CLTB: variants seen among roughly 807,000 people sequenced by gnomAD.
CLTB encodes clathrin, light chain (Lcb).
Under a neutral mutation model 30.5 loss-of-function variants are expected in CLTB, and 10 were observed. The ratio of observed to expected loss-of-function variants is 0.33; its 90% confidence interval spans 0.20 to 0.56. CLTB has a LOEUF of 0.56. CLTB is among the 20% of genes least tolerant of loss of function. The pLI, the probability that CLTB is intolerant of heterozygous loss-of-function variation, is 0.91. For synonymous variants in CLTB, 102 were observed against 120.3 expected (o/e 0.85, Z 1.00); for missense variants, 261 against 308.3 (o/e 0.85, Z 1.15).
intron 5 of CLTB, 60 bp downstream of exon 5, chr5:176,396,419 A>AT (rs1756521311): frequency 2.1e-6 from 3 of 1,414,086 alleles, no homozygotes; most frequent in Middle Eastern, 1.8e-4. Context: ...GAAACTCAAG[A>AT]AACTGTGGTG....
intron 1 of CLTB, among the ~76,000 whole-genome samples, chr5:176,414,618 T>A (rs911913376): frequency 6.6e-6 from 1 of 152,046 alleles, no homozygotes; most frequent in African/African-American, 2.4e-5. Context: ...AATTTTTGTA[T>A]GTTTTGTAGA....
intron 4 of CLTB, 146 bp from the exon 5 acceptor site, chr5:176,396,678 C>T: frequency 1.4e-6 from 1 of 708,750 alleles, no homozygotes; most frequent in Non-Finnish European, 2.5e-6. Flanking sequence ...CTGGAAGGCT[C>T]AGCAACGACC....
At chr5:176,414,883 C>A (rs983929807) in intron 1 of CLTB, among the ~76,000 whole-genome samples, 2 of 152,192 alleles carry the variant, frequency 1.3e-5, no homozygotes, top group Non-Finnish European at 2.9e-5. Context: ...GTATCCCCAG[C>A]GTCCTGACAC....
At chr5:176,398,343 ACTTT>A (rs1170705743) in intron 2 of CLTB, among the ~76,000 whole-genome samples, 6 of 152,180 alleles carry the variant, frequency 3.9e-5, no homozygotes. Flanking sequence ...TGTGCCAGCC[ACTTT>A]CTTTGTCATA....
At position 176,402,984 on chromosome 5, in the gene CLTB, C is replaced by G. The variant is rs549905663; in HGVS notation, c.235-4937G>C. Among the ~76,000 whole-genome samples, 3 of 151,994 alleles carry G rather than the reference C, an allele frequency of 2.0e-5. No homozygotes were observed. In the South Asian group the frequency reaches 6.2e-4, roughly 32 times the overall value. ...TGGGAGGAGAGGAGTGGTGAGGGGC[C>G]CTGAACAGGAGTCTCTTTTCATCTG... On this transcript the variant is annotated intron_variant, in intron 2 of 5. Transcript: ENST00000310418.
chr5:176,409,848 T>C lies in CLTB; in HGVS notation c.234+409A>G, dbSNP rs546185781. Among the ~76,000 whole-genome samples, 17 of 152,374 alleles carry C rather than the reference T, an allele frequency of 1.1e-4. No individual in the cohort carries two copies. In the South Asian group the frequency reaches 2.7e-3, roughly 24 times the overall value. On this transcript the variant is annotated intron_variant, in intron 2 of 5. Coordinates refer to ENST00000310418, the MANE Select transcript of CLTB (RefSeq NM_007097.5). ...AAAGAATCTGGGTGGCCTTGTCCAA[T>C]TATTTCCTTTGGGAAAATTCTGGAA...
At chr5:176,396,641 G>A in intron 4 of CLTB, 109 bp from the exon 5 acceptor site, 2 of 796,386 alleles carry the variant, frequency 2.5e-6, no homozygotes, top group East Asian at 2.7e-5. Flanking sequence ...AGTACCTCCA[G>A]TGGGAGAAAT....
chr5:176,416,315 C>T lies in CLTB; in HGVS notation c.49G>A (p.Glu17Lys), dbSNP rs1250404075. 1.2e-6 allele frequency: 2 copies of T among 1,603,764 alleles called. No individual in the cohort carries two copies. Among genetic ancestry groups the T allele is most frequent in the Non-Finnish European group, 1.7e-6 (2 of 1,176,726 alleles). The change falls in exon 1 of 6, where the codon GAG (glutamate) becomes AAG (lysine). Residue 17 changes from glutamate to lysine, a missense_variant. Glu to Lys is a moderately conservative substitution (Grantham distance 56). Transcript: ENST00000310418. ...FFSSSESGAP[E>K]AAEEDPAAAF... The stretch of plus-strand genomic sequence containing the variant: ...GCCGCCGGGTCCTCCTCCGCCGCCT[C>T]CGGGGCACCGCTCTCCGACGACGAG...
chr5:176,413,126 C>T (rs1220101841), intron 1 of CLTB, among the ~76,000 whole-genome samples: 1 of 152,188 alleles, frequency 6.6e-6, no homozygotes, highest in Non-Finnish European at 1.5e-5. Flanking sequence ...ATTCCAAGTA[C>T]CTGTTCCCAC....
At chr5:176,399,990 G>A (rs1020186191) in intron 2 of CLTB, among the ~76,000 whole-genome samples, 17 of 152,086 alleles carry the variant, frequency 1.1e-4, no homozygotes, top group African/African-American at 3.9e-4. Context: ...TCAGGAGTTC[G>A]AGACCAGCCT....
chr5:176,416,410 G>C lies in CLTB; in HGVS notation c.-47C>G. ...GCCTCCGCTGCGCTCGGCTCTGCCC[G>C]CGCCTGCCCCGCGCTGCGTCCGGCG... is the stretch of plus-strand genomic sequence containing the variant. On this transcript the variant is annotated 5_prime_UTR_variant, in exon 1 of 6. Coordinates refer to ENST00000310418, the MANE Select transcript of CLTB (RefSeq NM_007097.5). 6.8e-7 allele frequency: 1 copy of C among 1,473,068 alleles called. No homozygotes were observed. The highest frequency in any genetic ancestry group is 1.5e-5 in the African/African-American group (1 of 67,454). The allele number at this position is 1,473,068 out of a possible 1,614,324, so 91.2% of individuals were successfully genotyped here.
Position 176,392,915 on chromosome 5 carries a change from G to A in CLTB, c.549C>T (p.Ser183=), listed in dbSNP as rs146144599. 2.2e-3 allele frequency: 3,479 copies of A among 1,614,166 alleles called. 4 individuals are homozygous for A. Among genetic ancestry groups the A allele is most frequent in the Middle Eastern group, 6.1e-3 (37 of 6,060 alleles). The change falls in exon 6 of 6, where the codon TCC becomes TCT. Residue 183 remains serine, a synonymous_variant. Coordinates refer to ENST00000310418, the MANE Select transcript of CLTB (RefSeq NM_007097.5). This position sits in a 1 kb window ranked among gnomAD's most constrained non-coding sequence, Gnocchi z 5.2. ...VASEEAFVKE[S]KEETPGTEWE... Reference sequence around the variant, plus strand: ...ACTCTGTGCCTGGGGTCTCCTCCTTGGATTCCTTCACGAAAGCCTCCTCGG... The same window carrying A: ...ACTCTGTGCCTGGGGTCTCCTCCTTAGATTCCTTCACGAAAGCCTCCTCGG...
Position 176,416,177 on chromosome 5 carries a change from C to T in CLTB, c.187G>A (p.Ala63Thr), listed in dbSNP as rs754757468. The T allele has an allele frequency of 5.1e-6, 8 of 1,577,382 alleles. No homozygotes were observed. The East Asian group carries it at 1.2e-4, about 24-fold the overall frequency. Residue 63 changes from alanine to threonine, a missense_variant and splice_region_variant, in exon 1 of 6, where the codon GCT becomes ACT. Physicochemically the swap from Ala to Thr is moderately conservative, Grantham distance 58. Coordinates refer to ENST00000310418, the MANE Select transcript of CLTB (RefSeq NM_007097.5). Reference protein sequence around the residue: ...APAQPGPTSGAGSEDMGTTVN... With the variant: ...APAQPGPTSGTGSEDMGTTVN... ...CTCTCCAGGCCCCGCGCTGACTCACCCCCACTCGTGGGGCCCGGCTGCGCG... is the reference window on the plus strand; with the variant it reads ...CTCTCCAGGCCCCGCGCTGACTCACTCCCACTCGTGGGGCCCGGCTGCGCG...
intron 5 of CLTB, 50 bp downstream of exon 5, chr5:176,396,428 TG>T: frequency 6.8e-7 from 1 of 1,463,454 alleles, no homozygotes; most frequent in Non-Finnish European, 9.6e-7. Context: ...GAAACTGTGG[TG>T]GCCATTCCCT....
At chr5:176,400,475 G>A (rs62402498) in intron 2 of CLTB, among the ~76,000 whole-genome samples, 40,629 of 151,990 alleles carry the variant, frequency 0.27, 6,017 homozygotes, top group African/African-American at 0.41. Context: ...CTCTGCTCAC[G>A]TCTCCCCACC....
In CLTB at chr5:176,393,231, C is replaced by G. The variant is rs1038940309; in HGVS notation, c.519-286G>C. Among the ~76,000 whole-genome samples, 1 of 152,180 alleles carries G rather than the reference C, an allele frequency of 6.6e-6. No homozygotes were observed. The highest frequency in any genetic ancestry group is 1.9e-4 in the East Asian group (1 of 5,192). On this transcript the variant is annotated intron_variant, in intron 5 of 5. Transcript: ENST00000310418. This position sits in a 1 kb window ranked among gnomAD's most constrained non-coding sequence, Gnocchi z 4.4. ...GGTCTCAGTGCGGGCCTCACCTCCT[C>G]AGAAAGTCTTCCCAGCCTAGGCACC...
intron 2 of CLTB, among the ~76,000 whole-genome samples, chr5:176,398,412 GTT>G (rs1756656412): frequency 6.6e-6 from 1 of 152,140 alleles, no homozygotes; most frequent in Non-Finnish European, 1.5e-5. Context: ...GATGAAATGA[GTT>G]AAAAATTATA....
chr5:176,412,044 C>T (rs759637388), intron 1 of CLTB, among the ~76,000 whole-genome samples: 32 of 152,064 alleles, frequency 2.1e-4, no homozygotes, highest in Admixed American at 9.8e-4. Context: ...GGCGTGGTGG[C>T]AGGCGCCTGT....
At chr5:176,398,434 G>A (rs762111738) in intron 2 of CLTB, among the ~76,000 whole-genome samples, 11 of 152,094 alleles carry the variant, frequency 7.2e-5, no homozygotes, top group Middle Eastern at 3.2e-3. Context: ...AAAGAATGTC[G>A]GGCGCAGTGG....
Sources: allele counts gnomAD v4.1 joint callset (sites outside exome capture counted in the v4.1 genomes callset), GRCh38; gene constraint gnomAD v4.1.1; non-coding constraint Gnocchi (gnomAD v3.1); transcripts MANE v1.5; gene names NCBI Gene and HGNC (gene_info 2026-07-23, HGNC 2026-07-21).